SAE1: variants seen among roughly 807,000 people sequenced by gnomAD.
SAE1 encodes the protein SUMO-activating enzyme subunit 1.
SAE1 carries 11 observed loss-of-function variants against 40.6 expected under a neutral mutation model. That is an observed-to-expected ratio of 0.27 (90% CI 0.17 to 0.45). The LOEUF is 0.45. Ranked by LOEUF, SAE1 falls within the 20% of genes least tolerant of loss-of-function variation. SAE1 has a pLI of 1.00. For missense variants in SAE1, 373 were observed against 427.3 expected, an observed-to-expected ratio of 0.87 and a Z score of 1.12; for synonymous variants, 155 against 154.3, an observed-to-expected ratio of 1.00 and a Z score of -0.03.
At chr19:47,181,090 G>T (rs1272455664) in intron 6 of SAE1, among the ~76,000 whole-genome samples, 1 of 152,152 alleles carries the variant, frequency 6.6e-6, no homozygotes, top group Non-Finnish European at 1.5e-5. Context: ...GCCGAGGCAG[G>T]TGGATCACCT....
intron 6 of SAE1, among the ~76,000 whole-genome samples, chr19:47,182,639 A>T (rs953004526): frequency 2.0e-5 from 3 of 152,136 alleles, no homozygotes; most frequent in Non-Finnish European, 4.4e-5. Flanking sequence ...AATGCGGCTC[A>T]GTGCCTTACA....
chr19:47,182,928 G>GT (rs989246016), intron 6 of SAE1, among the ~76,000 whole-genome samples: 7 of 151,940 alleles, frequency 4.6e-5, no homozygotes, highest in South Asian at 2.1e-4. Context: ...TTTTTTGACT[G>GT]TTTTTTTGAA....
intron 4 of SAE1, 49 bp downstream of exon 4, chr19:47,153,089 A>T: frequency 6.8e-7 from 1 of 1,475,850 alleles, no homozygotes. Context: ...TCCTTTTTAT[A>T]CTTTTTTTTT....
intron 2 of SAE1, among the ~76,000 whole-genome samples, chr19:47,145,296 C>T (rs191242274): frequency 5.3e-5 from 8 of 152,204 alleles, no homozygotes; most frequent in Admixed American, 3.9e-4. Flanking sequence ...CCACCGCACC[C>T]GGCCATGCCT....
At chr19:47,194,612 G>A (rs890304426) in intron 6 of SAE1, among the ~76,000 whole-genome samples, 1 of 152,150 alleles carries the variant, frequency 6.6e-6, no homozygotes, top group Non-Finnish European at 1.5e-5. Flanking sequence ...ATTGTCCTTA[G>A]AGACAAGGCT....
At chr19:47,200,221 C>T (rs1041357299) in intron 7 of SAE1, among the ~76,000 whole-genome samples, 2 of 151,224 alleles carry the variant, frequency 1.3e-5, no homozygotes, top group Admixed American at 1.3e-4. Context: ...GTGTGAGCCA[C>T]CACGCCCAGC....
At chr19:47,137,255 G>A (rs1046397783) in intron 1 of SAE1, among the ~76,000 whole-genome samples, 44 of 152,212 alleles carry the variant, frequency 2.9e-4, no homozygotes, top group African/African-American at 1.1e-3. Flanking sequence ...AGGTGTGGTG[G>A]TGGGTGCTTG....
intron 1 of SAE1, among the ~76,000 whole-genome samples, chr19:47,141,527 CT>C (rs2058222098): frequency 6.6e-6 from 1 of 152,026 alleles, no homozygotes; most frequent in South Asian, 2.1e-4. Flanking sequence ...TTGTCAGGGA[CT>C]TTTTATATGT....
chr19:47,175,107 ATTTTT>A (rs916783073), intron 6 of SAE1, among the ~76,000 whole-genome samples: 1 of 91,704 alleles, frequency 1.1e-5, no homozygotes, highest in Non-Finnish European at 2.0e-5. Flanking sequence ...AGTGGCCTTG[ATTTTT>A]TTTTTTTTTT....
At chr19:47,181,009 G>C (rs541133535) in intron 6 of SAE1, among the ~76,000 whole-genome samples, 7 of 152,170 alleles carry the variant, frequency 4.6e-5, no homozygotes, top group African/African-American at 1.4e-4. Flanking sequence ...TCTAAAGGAT[G>C]TTAGTGGAAC....
At chr19:47,209,102 TCCC>T (rs1555797695) in intron 8 of SAE1, 54 bp from the exon 9 acceptor site, 1 of 1,553,978 alleles carries the variant, frequency 6.4e-7, no homozygotes, top group Non-Finnish European at 8.8e-7. Flanking sequence ...AATTTTTTTT[TCCC>T]TCTATTCCTC....
At chr19:47,196,363 TTTTTAA>T (rs2058615732) in intron 6 of SAE1, among the ~76,000 whole-genome samples, 1 of 94,346 alleles carries the variant, frequency 1.1e-5, no homozygotes, top group African/African-American at 4.0e-5. Flanking sequence ...TTTTTTTTTT[TTTTTAA>T]TTTTACTTTT....
chr19:47,161,778 C>T (rs2058361017), intron 5 of SAE1, among the ~76,000 whole-genome samples: 1 of 152,184 alleles, frequency 6.6e-6, no homozygotes, highest in African/African-American at 2.4e-5. Context: ...CTATGCATTT[C>T]TTCTTACTAC....
At chr19:47,188,812 A>G (rs1278212194) in intron 6 of SAE1, among the ~76,000 whole-genome samples, 1 of 152,194 alleles carries the variant, frequency 6.6e-6, no homozygotes, top group South Asian at 2.1e-4. Flanking sequence ...GGCCAGGGAC[A>G]GGCTTTGCAG....
intron 8 of SAE1, among the ~76,000 whole-genome samples, chr19:47,205,403 A>T (rs559282942): frequency 1.4e-5 from 2 of 141,836 alleles, no homozygotes; most frequent in East Asian, 2.1e-4. Context: ...ACTTTCTTCT[A>T]TGTAATGGGC....
At position 47,203,703 on chromosome 19, in the gene SAE1, C is replaced by T. The variant is rs1198689941; in HGVS notation, c.911C>T (p.Ala304Val). ...TTCTCCGAGATGGCCCCAGTGTGTG[C>T]GGTGGTTGGAGGGATTTTGGCACAG... Reference protein sequence around the residue: ...YCFSEMAPVCAVVGGILAQEI... With the variant: ...YCFSEMAPVCVVVGGILAQEI... The change falls in exon 8 of 9, where the codon GCG becomes GTG. Residue 304 changes from alanine (A) to valine (V), a missense_variant. Physicochemically the swap from Ala to Val is moderately conservative, Grantham distance 64. Coordinates refer to ENST00000270225, the MANE Select transcript of SAE1 (RefSeq NM_005500.3). 3.7e-6 allele frequency: 6 copies of T among 1,613,846 alleles called. No individual in the cohort carries two copies. The Admixed American group carries it at 5.0e-5, about 13-fold the overall frequency.
At chr19:47,165,675 G>T (rs541820538) in intron 5 of SAE1, among the ~76,000 whole-genome samples, 2 of 152,300 alleles carry the variant, frequency 1.3e-5, no homozygotes, top group South Asian at 2.1e-4. Flanking sequence ...CCAGTGGAGT[G>T]GGTAAGACAG....
intron 6 of SAE1, among the ~76,000 whole-genome samples, chr19:47,195,736 CTTTTTTTTT>C (rs56268362): frequency 4.3e-5 from 4 of 93,144 alleles, no homozygotes; most frequent in Non-Finnish European, 2.0e-5. Flanking sequence ...TTTTTTTCTT[CTTTTTTTTT>C]TTTTTTTTTT....
At position 47,183,268 on chromosome 19, in the gene SAE1, T is replaced by C. The variant is rs1323840792; in HGVS notation, c.733+13345T>C. ...TCATATTAAATCTTCATGACAGCCT[T>C]ACTAGATCAGGTCTTGTCCTGTTTT... On this transcript the variant is annotated intron_variant, in intron 6 of 8. Transcript: ENST00000270225. Among the ~76,000 whole-genome samples, 3 of 152,088 alleles carry C rather than the reference T, an allele frequency of 2.0e-5. No individual in the cohort carries two copies. The East Asian group carries it at 5.8e-4, about 29-fold the overall frequency.
Sources: gnomAD v4.1 joint callset for allele counts (sites outside exome capture counted in the v4.1 genomes callset) on GRCh38, gnomAD v4.1.1 for gene constraint, MANE v1.5 for transcripts, NCBI Gene and HGNC (gene_info 2026-07-23, HGNC 2026-07-21) for gene names.